PALLD: variants seen among roughly 807,000 people sequenced by gnomAD.
PALLD encodes palladin, cytoskeletal associated protein, also known as palladin.
A neutral mutation model predicts 123.5 loss-of-function variants in PALLD; 61 were observed. The ratio of observed to expected loss-of-function variants is 0.49; its 90% CI spans 0.40 to 0.61. The LOEUF is 0.61. Among genes scored for constraint, PALLD ranks in the 20% least tolerant of loss-of-function variants. PALLD has a pLI of 0.00. For missense variants in PALLD, 1,273 were observed against 1,377.0 expected (o/e 0.92, Z 1.20); for synonymous variants, 465 against 496.4 (o/e 0.94, Z 0.84).
chr4:168,718,797 T>C (rs1040743947), intron 10 of PALLD, among the ~76,000 whole-genome samples: 5 of 152,208 alleles, frequency 3.3e-5, no homozygotes, highest in Non-Finnish European at 7.3e-5. Context: ...TATTTAGCAG[T>C]AGATTTTAGA....
chr4:168,871,720 C>T (rs891066865), intron 10 of PALLD, among the ~76,000 whole-genome samples: 2 of 152,212 alleles, frequency 1.3e-5, no homozygotes, highest in African/African-American at 4.8e-5. Flanking sequence ...CTTTTAGAAG[C>T]TGACTTCGGA....
chr4:168,560,649 G>A lies in PALLD; in HGVS notation c.908+48237G>A, dbSNP rs546476838. 5.9e-5 allele frequency among the ~76,000 whole-genome samples: 9 copies of A among 152,272 alleles called. No homozygotes were observed. The South Asian group carries it at 1.9e-3, about 32-fold the overall frequency. On this transcript the variant is annotated intron_variant, in intron 2 of 21. Coordinates refer to ENST00000505667, the MANE Select transcript of PALLD (RefSeq NM_001166108.2). ...CCCATAGTACCGGTTTCTGTATCAAGCTGTCAGGAGATCAGAGAAGAAGCT... is the reference window on the plus strand; with the variant it reads ...CCCATAGTACCGGTTTCTGTATCAAACTGTCAGGAGATCAGAGAAGAAGCT...
intron 2 of PALLD, among the ~76,000 whole-genome samples, chr4:168,527,165 G>A (rs1043963646): frequency 8.5e-5 from 13 of 152,052 alleles, no homozygotes; most frequent in African/African-American, 2.2e-4. Context: ...TTGAAGAGTC[G>A]TGCTCCCAGC....
At chr4:168,615,383 T>C (rs746488497) in intron 2 of PALLD, among the ~76,000 whole-genome samples, 1 of 152,186 alleles carries the variant, frequency 6.6e-6, no homozygotes, top group Non-Finnish European at 1.5e-5. Context: ...TATCCACACA[T>C]ACTTTGGTAA....
At chr4:168,748,281 C>T (rs11737406) in intron 10 of PALLD, among the ~76,000 whole-genome samples, 4 of 152,086 alleles carry the variant, frequency 2.6e-5, no homozygotes, top group Non-Finnish European at 4.4e-5. Flanking sequence ...TCAGTCTCAC[C>T]CCAAATCAGT....
At position 168,731,522 on chromosome 4, in the gene PALLD, T is replaced by C. The variant is rs74425105; in HGVS notation, c.1964+19599T>C. ...TGAAATAATGTGCTAGCACAGGGCA[T>C]GCCAAAGGGCAGATAGTCCAATTGA... On this transcript the variant is annotated intron_variant, in intron 10 of 21. Transcript: ENST00000505667. Among the ~76,000 whole-genome samples, 1,479 of 152,360 alleles carry C rather than the reference T, an allele frequency of 9.7e-3. 12 individuals carry two copies. Among genetic ancestry groups the C allele is most frequent in the Non-Finnish European group, 0.016 (1,089 of 68,042 alleles).
At chr4:168,735,078 A>G (rs942391521) in intron 10 of PALLD, among the ~76,000 whole-genome samples, 2 of 152,196 alleles carry the variant, frequency 1.3e-5, no homozygotes, top group African/African-American at 2.4e-5. Flanking sequence ...AATATCAAAG[A>G]TTGAGCCTGT....
intron 14 of PALLD, among the ~76,000 whole-genome samples, chr4:168,901,929 C>T (rs189335250): frequency 6.2e-4 from 95 of 152,304 alleles, no homozygotes; most frequent in African/African-American, 1.8e-3. Flanking sequence ...TTAAGTTTTA[C>T]AACTCAAAGT....
chr4:168,572,374 T>C (rs1333572526), intron 2 of PALLD, among the ~76,000 whole-genome samples: 1 of 152,104 alleles, frequency 6.6e-6, no homozygotes, highest in Non-Finnish European at 1.5e-5. Context: ...AACAGAACAG[T>C]TATCCAAAAT....
At chr4:168,740,392 A>G (rs1343815414) in intron 10 of PALLD, among the ~76,000 whole-genome samples, 1 of 152,198 alleles carries the variant, frequency 6.6e-6, no homozygotes, top group Non-Finnish European at 1.5e-5. Flanking sequence ...TTTGAATATA[A>G]TATTCCTCAA....
At chr4:168,681,538 C>T (rs1378730868) in intron 4 of PALLD, 140 bp downstream of exon 4, 18 of 380,284 alleles carry the variant, frequency 4.7e-5, no homozygotes, top group Non-Finnish European at 1.4e-5. Context: ...GGTTGGAACA[C>T]AATTTTTTTT....
At chr4:168,859,109 C>G (rs557264272) in intron 10 of PALLD, among the ~76,000 whole-genome samples, 8 of 152,342 alleles carry the variant, frequency 5.3e-5, no homozygotes, top group African/African-American at 1.9e-4. Flanking sequence ...CAACGTGTTA[C>G]AACATTTTTG....
chr4:168,889,114 A>G (rs567507170), intron 10 of PALLD, among the ~76,000 whole-genome samples: 1 of 144,944 alleles, frequency 6.9e-6, no homozygotes, highest in East Asian at 2.0e-4. Flanking sequence ...CTTTGGCAGT[A>G]AAGTTTTGTT....
intron 2 of PALLD, among the ~76,000 whole-genome samples, chr4:168,568,460 T>C (rs540468771): frequency 1.3e-5 from 2 of 152,170 alleles, no homozygotes. Context: ...CCCACAAAAA[T>C]GCATATGGTG....
At chr4:168,610,359 G>T (rs1279903973) in intron 2 of PALLD, among the ~76,000 whole-genome samples, 2 of 152,164 alleles carry the variant, frequency 1.3e-5, no homozygotes, top group African/African-American at 2.4e-5. Flanking sequence ...CCATTTCAAG[G>T]CTGAGATGCT....
chr4:168,639,191 T>G (rs2149858943), intron 2 of PALLD, among the ~76,000 whole-genome samples: 1 of 152,360 alleles, frequency 6.6e-6, no homozygotes, highest in African/African-American at 2.4e-5. Context: ...TCACAGAATG[T>G]GAATTTTCAA....
chr4:168,644,215 T>A (rs967962636), intron 2 of PALLD, among the ~76,000 whole-genome samples: 3 of 151,508 alleles, frequency 2.0e-5, no homozygotes. Flanking sequence ...CAGCCTCCCA[T>A]GTAGCTGGGA....
At chr4:168,587,619 CT>C (rs1288139037) in intron 2 of PALLD, among the ~76,000 whole-genome samples, 1 of 152,140 alleles carries the variant, frequency 6.6e-6, no homozygotes, top group Non-Finnish European at 1.5e-5. Context: ...CTCAGCTTGC[CT>C]TGTGCATGGC....
intron 10 of PALLD, among the ~76,000 whole-genome samples, chr4:168,874,804 T>G (rs1235683566): frequency 1.3e-5 from 2 of 152,160 alleles, no homozygotes. Flanking sequence ...TCTTCCCATG[T>G]GTAAGTGGAC....
Sources: allele counts gnomAD v4.1 joint callset (sites outside exome capture counted in the v4.1 genomes callset), GRCh38; gene constraint gnomAD v4.1.1; transcripts MANE v1.5; gene names NCBI Gene and HGNC (gene_info 2026-07-23, HGNC 2026-07-21).